PMM2: variants seen among roughly 807,000 people sequenced by gnomAD.
PMM2 encodes the protein mannose-6-phosphate isomerase.
PMM2 carries 35 observed loss-of-function variants against 33.2 expected under a neutral mutation model. The observed-to-expected ratio is 1.06, with a 90% CI of 0.81 to 1.40. The LOEUF is 1.40. Among genes scored for constraint, PMM2 ranks in the 40% most tolerant of loss-of-function variants. The probability of loss-of-function intolerance (pLI) is 0.00; values close to 1 mark genes in which losing one functional copy is unlikely to be tolerated. For missense variants in PMM2, 386 were observed against 306.0 expected (o/e 1.26, Z -1.95); for synonymous variants, 153 against 114.7 (o/e 1.33, Z -2.13).
intron 4 of PMM2, chr16:8,810,015 T>G (rs1353083089): frequency 6.6e-6 from 1 of 152,510 alleles, no homozygotes; most frequent in Non-Finnish European, 1.5e-5. Flanking sequence ...TTTGCCATAT[T>G]GCCTAGGCTG....
chr16:8,834,601 T>A (rs1434048250), intron 7 of PMM2, among the ~76,000 whole-genome samples: 1 of 152,058 alleles, frequency 6.6e-6, no homozygotes, highest in Admixed American at 6.6e-5. Context: ...GGAGGGGGCC[T>A]GAATAATCCC....
chr16:8,802,734 G>A (rs2141017560), intron 2 of PMM2, among the ~76,000 whole-genome samples: 1 of 152,100 alleles, frequency 6.6e-6, no homozygotes, highest in Non-Finnish European at 1.5e-5. Flanking sequence ...GGAGGCCGAG[G>A]CAGGAGAATT....
chr16:8,827,738 A>T (rs1470706432), intron 7 of PMM2, among the ~76,000 whole-genome samples: 6 of 33,174 alleles, frequency 1.8e-4, no homozygotes, highest in African/African-American at 5.3e-4. Flanking sequence ...ATATATATAT[A>T]TATATATATA....
At position 8,848,124 on chromosome 16, in the gene PMM2, G is replaced by T; in HGVS notation, c.*299G>T. 2.6e-6 allele frequency: 1 copy of T among 390,462 alleles called. No individual in the cohort carries two copies. Among genetic ancestry groups the T allele is most frequent in the Non-Finnish European group, 4.8e-6 (1 of 206,704 alleles). 24.2% of individuals were successfully genotyped at this position (390,462 alleles called of 1,614,324 possible). A position where few individuals can be genotyped will look rare whatever the true frequency, so the allele number is the denominator to read the frequency against. The stretch of plus-strand genomic sequence containing the variant: ...TACGTGCAATCATGTAGTTTTGGCG[G>T]AAATTTCCCCATCATTCTAGGATGA... On this transcript the variant is annotated 3_prime_UTR_variant, in exon 8 of 8. Coordinates refer to ENST00000268261, the MANE Select transcript of PMM2 (RefSeq NM_000303.3).
chr16:8,812,653 G>C (rs1209178023), intron 6 of PMM2, among the ~76,000 whole-genome samples: 1 of 152,228 alleles, frequency 6.6e-6, no homozygotes. Context: ...TAAAGCCCGA[G>C]ACAAGCACAG....
At chr16:8,825,003 T>G (rs2060758725) in intron 7 of PMM2, among the ~76,000 whole-genome samples, 1 of 152,336 alleles carries the variant, frequency 6.6e-6, no homozygotes, top group Admixed American at 6.5e-5. Context: ...TATCTCGCAT[T>G]AGTGCATCTT....
chr16:8,828,545 C>T (rs945439876), intron 7 of PMM2, among the ~76,000 whole-genome samples: 1 of 152,146 alleles, frequency 6.6e-6, no homozygotes, highest in African/African-American at 2.4e-5. Context: ...CTCAGACCAG[C>T]TACCGACATG....
intron 7 of PMM2, among the ~76,000 whole-genome samples, chr16:8,834,498 G>C (rs2060830892): frequency 6.6e-6 from 1 of 151,870 alleles, no homozygotes; most frequent in East Asian, 1.9e-4. Flanking sequence ...TAGAGTAAGA[G>C]GTATTTTAGT....
chr16:8,815,276 G>A (rs1202306082), intron 7 of PMM2, among the ~76,000 whole-genome samples: 1 of 148,382 alleles, frequency 6.7e-6, no homozygotes, highest in Non-Finnish European at 1.5e-5. Context: ...CTAGAGTGCA[G>A]TGGCACCATC....
At chr16:8,838,721 A>G (rs1266623744) in intron 7 of PMM2, among the ~76,000 whole-genome samples, 1 of 152,066 alleles carries the variant, frequency 6.6e-6, no homozygotes, top group Non-Finnish European at 1.5e-5. Flanking sequence ...AAAAATGGGT[A>G]TTAAAGGACT....
chr16:8,846,008 T>C (rs1296008715), intron 7 of PMM2, among the ~76,000 whole-genome samples: 1 of 151,976 alleles, frequency 6.6e-6, no homozygotes, highest in East Asian at 1.9e-4. Context: ...ATGGTGGCCA[T>C]GCAATTCAGG....
chr16:8,846,254 A>C (rs1311715339), intron 7 of PMM2, among the ~76,000 whole-genome samples: 1 of 152,230 alleles, frequency 6.6e-6, no homozygotes, highest in African/African-American at 2.4e-5. Flanking sequence ...ACTCATTTCC[A>C]GAGGCAATTA....
chr16:8,804,034 T>TTTTTTTG (rs1555449101), intron 2 of PMM2, among the ~76,000 whole-genome samples: 2 of 115,546 alleles, frequency 1.7e-5, no homozygotes, highest in South Asian at 3.2e-4. Flanking sequence ...TTTTTTTGTT[T>TTTTTTTG]TTTTTTTTTT....
Position 8,847,971 on chromosome 16 carries a change from T to G in PMM2, c.*146T>G. The G allele has an allele frequency of 1.5e-6, 1 of 646,928 alleles. No homozygotes were observed. The highest frequency in any genetic ancestry group is 1.7e-5 in the South Asian group (1 of 58,018). The allele number at this position is 646,928 out of a possible 1,614,324, so 40.1% of individuals were successfully genotyped here. ...ATGCCAGGCATGTGCAGTCTGGACT[T>G]CCACCTCCAGTGCCAGAAACTTCCA... On this transcript the variant is annotated 3_prime_UTR_variant, in exon 8 of 8. Transcript: ENST00000268261.
intron 7 of PMM2, among the ~76,000 whole-genome samples, chr16:8,818,952 A>G (rs919250151): frequency 5.9e-5 from 9 of 152,108 alleles, no homozygotes; most frequent in Non-Finnish European, 1.3e-4. Flanking sequence ...TGGCTGGATC[A>G]CCCTCAGCCA....
intron 7 of PMM2, among the ~76,000 whole-genome samples, chr16:8,813,331 C>T (rs565499852): frequency 1.3e-5 from 2 of 152,294 alleles, no homozygotes; most frequent in East Asian, 1.9e-4. Flanking sequence ...GTTAGTTGAA[C>T]CTTTTCACCT....
chr16:8,841,843 G>A (rs1267001690), intron 7 of PMM2, among the ~76,000 whole-genome samples: 2 of 147,108 alleles, frequency 1.4e-5, no homozygotes, highest in African/African-American at 5.0e-5. Context: ...GGTAATTGTG[G>A]GACTTAACAA....
chr16:8,834,178 T>G (rs1474517448), intron 7 of PMM2, among the ~76,000 whole-genome samples: 1 of 152,224 alleles, frequency 6.6e-6, no homozygotes, highest in Non-Finnish European at 1.5e-5. Flanking sequence ...GGGAAAGTGG[T>G]AAAAGTATTG....
chr16:8,838,011 G>A (rs185140685), intron 7 of PMM2, among the ~76,000 whole-genome samples: 91 of 152,270 alleles, frequency 6.0e-4, no homozygotes, highest in African/African-American at 2.1e-3. Context: ...AACAGGCTTT[G>A]TGTGAGCAAC....
Sources: allele counts gnomAD v4.1 joint callset (sites outside exome capture counted in the v4.1 genomes callset), GRCh38; gene constraint gnomAD v4.1.1; transcripts MANE v1.5; gene names NCBI Gene and HGNC (gene_info 2026-07-23, HGNC 2026-07-21).